The following DNAJC10 variants were observed in gnomAD, a reference collection of about 807,000 sequenced individuals.
DNAJC10 encodes the protein endoplasmic reticulum disulfide reductase DNAJC10.
A neutral mutation model predicts 115.0 loss-of-function variants in DNAJC10; 101 were observed. The ratio of observed to expected loss-of-function variants is 0.88; its 90% CI spans 0.75 to 1.04. DNAJC10 has a LOEUF of 1.04. Ranked by LOEUF, DNAJC10 falls within the 50% of genes least tolerant of loss-of-function variation. The pLI, the probability that DNAJC10 is intolerant of heterozygous loss-of-function variation, is 0.00. For missense variants in DNAJC10, 981 were observed against 928.8 expected (o/e 1.06, Z -0.73); for synonymous variants, 307 against 301.5 (o/e 1.02, Z -0.19).
intron 16 of DNAJC10, 36 bp from the exon 17 acceptor site, chr2:182,754,966 CT>C: frequency 7.0e-7 from 1 of 1,434,990 alleles, no homozygotes; most frequent in Non-Finnish European, 9.8e-7. Context: ...TAGGTGAAAT[CT>C]ATAAAATCTT....
chr2:182,761,802 C>A (rs1694292203), intron 21 of DNAJC10, among the ~76,000 whole-genome samples: 1 of 151,928 alleles, frequency 6.6e-6, no homozygotes, highest in Admixed American at 6.6e-5. Flanking sequence ...ATATGTAAAA[C>A]CACCTTGGGC....
chr2:182,763,852 G>A (rs1014242183), intron 22 of DNAJC10, among the ~76,000 whole-genome samples: 4 of 152,040 alleles, frequency 2.6e-5, no homozygotes, highest in South Asian at 4.1e-4. Context: ...GCACAGAGCC[G>A]TCTGCAAATG....
chr2:182,725,925 C>G (rs560663752), intron 5 of DNAJC10, among the ~76,000 whole-genome samples: 85 of 152,124 alleles, frequency 5.6e-4, no homozygotes, highest in African/African-American at 1.8e-3. Flanking sequence ...GCCCGTAAAT[C>G]AAGGAGTAAT....
chr2:182,751,439 T>C (rs533762494), intron 14 of DNAJC10, among the ~76,000 whole-genome samples: 20 of 152,272 alleles, frequency 1.3e-4, no homozygotes, highest in Admixed American at 4.6e-4. Context: ...TGGCCAATTT[T>C]GACATTTTTA....
chr2:182,731,826 C>G (rs1693454606), intron 9 of DNAJC10, among the ~76,000 whole-genome samples: 2 of 152,178 alleles, frequency 1.3e-5, no homozygotes, highest in Admixed American at 6.5e-5. Flanking sequence ...AAGACACTGC[C>G]TTGCAGCAAA....
intron 5 of DNAJC10, among the ~76,000 whole-genome samples, chr2:182,726,200 G>A (rs1693278596): frequency 6.6e-6 from 1 of 152,144 alleles, no homozygotes; most frequent in Non-Finnish European, 1.5e-5. Flanking sequence ...CTGTAGATGT[G>A]ATAGAAATAG....
chr2:182,750,197 A>G (rs565181201), intron 14 of DNAJC10, among the ~76,000 whole-genome samples: 1 of 152,290 alleles, frequency 6.6e-6, no homozygotes, highest in East Asian at 1.9e-4. Flanking sequence ...ACTTGACGAA[A>G]TTGCAGTTGA....
rs1694318648 is a variant in DNAJC10 at position 182,762,811 on chromosome 2, G to T, written c.2265+10G>T. The T allele has an allele frequency of 3.7e-6, 6 of 1,609,650 alleles. No individual in the cohort carries two copies. The highest frequency in any genetic ancestry group is 4.2e-6 in the Non-Finnish European group (5 of 1,177,308). On this transcript the variant is annotated intron_variant, in intron 22 of 23. Coordinates refer to ENST00000264065, the MANE Select transcript of DNAJC10 (RefSeq NM_018981.4). ...CTACGAAAGAGCAAAGGTATGTCCA[G>T]ACTTTCCTCTGTTCCTTCCCTTAGT... is the stretch of plus-strand genomic sequence containing the variant.
At position 182,786,017 on chromosome 2, in the gene DNAJC10, A is replaced by G. The variant is rs1400185626; in HGVS notation, c.*8885A>G. 4.6e-5 allele frequency: 7 copies of G among 152,204 alleles called. No homozygotes were observed. The allele number at this position is 152,204 out of a possible 1,614,324, so 9.4% of individuals were successfully genotyped here. A position where few individuals can be genotyped will look rare whatever the true frequency, so the allele number is the denominator to read the frequency against. On this transcript the variant is annotated 3_prime_UTR_variant, in exon 24 of 24. Transcript: ENST00000264065. ...AATCCAGGGACTTTGGGTAGTTGTT[A>G]AATGGATGGCTGTATCATAAGTATT...
intron 5 of DNAJC10, among the ~76,000 whole-genome samples, chr2:182,726,024 G>A (rs1391801686): frequency 1.3e-5 from 2 of 152,192 alleles, no homozygotes; most frequent in African/African-American, 4.8e-5. Flanking sequence ...TCCAGGCAAA[G>A]TAAATTGGAA....
intron 5 of DNAJC10, among the ~76,000 whole-genome samples, chr2:182,723,363 C>T (rs1228037528): frequency 1.3e-5 from 2 of 152,126 alleles, no homozygotes; most frequent in African/African-American, 4.8e-5. Flanking sequence ...GCATTTTAAT[C>T]TTATTTTCTA....
intron 19 of DNAJC10, 126 bp from the exon 20 acceptor site, chr2:182,758,711 G>T: frequency 1.5e-6 from 1 of 683,286 alleles, no homozygotes; most frequent in East Asian, 2.7e-5. Flanking sequence ...GTATATTTGA[G>T]AAGAGAGATA....
At position 182,759,172 on chromosome 2, in the gene DNAJC10, A is replaced by G. The variant is rs751234532; in HGVS notation, c.2010A>G (p.Gln670=). 1 of 1,581,594 alleles carries G rather than the reference A, an allele frequency of 6.3e-7. No homozygotes were observed. The highest frequency in any genetic ancestry group is 8.5e-7 in the Non-Finnish European group (1 of 1,170,994). ...TCATTTGCCACAGATTTTTACCTCA[A>G]GTATCCACAGATCTAACACCTCAGA... ...LRIWGLGFLP[Q]VSTDLTPQTF... The change falls in exon 21 of 24, where the codon CAA becomes CAG. Residue 670 remains glutamine, a synonymous_variant. Coordinates refer to ENST00000264065, the MANE Select transcript of DNAJC10 (RefSeq NM_018981.4).
chr2:182,740,170 G>A (rs999046904), intron 11 of DNAJC10, 129 bp from the exon 12 acceptor site: 62 of 1,165,014 alleles, frequency 5.3e-5, no homozygotes, highest in Non-Finnish European at 6.6e-5. Context: ...ATTTGGAATT[G>A]TTTGAAAAAC....
rs1038495069 is a variant in DNAJC10, at chr2:182,728,909, C to G, written c.548C>G (p.Ala183Gly). Reference sequence around the variant, plus strand: ...GTGGATGGGTTACTTCGAATTGGAGCTGTTAACTGTGGTGATGATAGAATG... The same window carrying G: ...GTGGATGGGTTACTTCGAATTGGAGGTGTTAACTGTGGTGATGATAGAATG... The part of the protein sequence containing the change: ...KEVDGLLRIG[A>G]VNCGDDRMLC... Residue 183 changes from alanine (A) to glycine (G), a missense_variant, in exon 7 of 24, where the codon GCT becomes GGT. Physicochemically the swap from Ala to Gly is moderately conservative, Grantham distance 60. Coordinates refer to ENST00000264065, the MANE Select transcript of DNAJC10 (RefSeq NM_018981.4). 2 of 1,613,838 alleles carry G rather than the reference C, an allele frequency of 1.2e-6. No homozygotes were observed. Among genetic ancestry groups the G allele is most frequent in the African/African-American group, 1.3e-5 (1 of 74,902 alleles).
intron 17 of DNAJC10, 37 bp downstream of exon 17, chr2:182,755,141 T>C: frequency 7.8e-7 from 1 of 1,287,706 alleles, no homozygotes; most frequent in South Asian, 1.2e-5. Context: ...TAGAAATTTG[T>C]CTGTTTCTAT....
At chr2:182,775,260 G>A (rs1694675224) in intron 22 of DNAJC10, 56 bp from the exon 23 acceptor site, 2 of 1,115,012 alleles carry the variant, frequency 1.8e-6, no homozygotes, top group South Asian at 2.8e-5. Context: ...TTTCTTAGGT[G>A]GAAATGTTAT....
chr2:182,756,269 C>G, intron 17 of DNAJC10, 45 bp from the exon 18 acceptor site: 1 of 1,494,796 alleles, frequency 6.7e-7, no homozygotes, highest in Non-Finnish European at 9.1e-7. Context: ...ATATGAACAG[C>G]TATGCTTTAT....
rs916824044 is a variant in DNAJC10, at chr2:182,785,938, A to G, written c.*8806A>G. On this transcript the variant is annotated 3_prime_UTR_variant, in exon 24 of 24. Coordinates refer to ENST00000264065, the MANE Select transcript of DNAJC10 (RefSeq NM_018981.4). Reference sequence around the variant, plus strand: ...ATGAAAATGTTTGGCATTTGCTTTAAAATAATCCAGTAACCAGGATCTGAG... The same window carrying G: ...ATGAAAATGTTTGGCATTTGCTTTAGAATAATCCAGTAACCAGGATCTGAG... The G allele has an allele frequency of 3.3e-5, 5 of 152,132 alleles. No individual in the cohort carries two copies. The highest frequency in any genetic ancestry group is 1.3e-4 in the Admixed American group (2 of 15,268). 9.4% of individuals were successfully genotyped at this position (152,132 alleles called of 1,614,324 possible). A position where few individuals can be genotyped will look rare whatever the true frequency, so the allele number is the denominator to read the frequency against.
Sources: allele counts gnomAD v4.1 joint callset (sites outside exome capture counted in the v4.1 genomes callset), GRCh38; gene constraint gnomAD v4.1.1; transcripts MANE v1.5; gene names NCBI Gene and HGNC (gene_info 2026-07-23, HGNC 2026-07-21).